Variants in CAMK1D observed in about 807,000 individuals in gnomAD.
CAMK1D encodes the protein calcium/calmodulin-dependent protein kinase type 1D.
Under a neutral mutation model 47.7 loss-of-function variants are expected in CAMK1D, and 9 were observed. That is an observed-to-expected ratio of 0.19 (90% confidence interval 0.11 to 0.33). CAMK1D has a LOEUF of 0.33. CAMK1D is among the 10% of genes least tolerant of loss of function. The pLI is 1.00. For synonymous variants in CAMK1D, 184 were observed against 184.9 expected (o/e 0.99, Z 0.04); for missense variants, 291 against 488.7 (o/e 0.60, Z 3.81).
chr10:12,396,976 C>T (rs564289392), intron 1 of CAMK1D, among the ~76,000 whole-genome samples: 3 of 152,362 alleles, frequency 2.0e-5, no homozygotes, highest in East Asian at 1.9e-4. Flanking sequence ...AACAATTTAT[C>T]GCTCATCTCG....
At chr10:12,447,685 G>C (rs1490787683) in intron 1 of CAMK1D, among the ~76,000 whole-genome samples, 1 of 152,164 alleles carries the variant, frequency 6.6e-6, no homozygotes, top group East Asian at 1.9e-4. Context: ...CTTGGTGATA[G>C]AGTGAGATCC....
chr10:12,429,101 C>T (rs190024922), intron 1 of CAMK1D, among the ~76,000 whole-genome samples: 1 of 152,278 alleles, frequency 6.6e-6, no homozygotes, highest in East Asian at 1.9e-4. Flanking sequence ...CACCCACTGC[C>T]ATCTCCCACA....
intron 3 of CAMK1D, among the ~76,000 whole-genome samples, chr10:12,741,243 T>C (rs925295298): frequency 6.6e-6 from 1 of 152,216 alleles, no homozygotes; most frequent in African/African-American, 2.4e-5. Context: ...GCCTGAGTAC[T>C]CTCAGATTTT....
chr10:12,490,927 C>T (rs1834365278), intron 1 of CAMK1D, among the ~76,000 whole-genome samples: 2 of 151,986 alleles, frequency 1.3e-5, no homozygotes, highest in South Asian at 2.1e-4. Context: ...ATATGTCCAA[C>T]GATTAGGTAT....
intron 2 of CAMK1D, among the ~76,000 whole-genome samples, chr10:12,602,789 CTCTG>C (rs1838340264): frequency 6.6e-6 from 1 of 152,038 alleles, no homozygotes; most frequent in East Asian, 1.9e-4. Context: ...CACACTCCGC[CTCTG>C]TCTGTGTGGG....
chr10:12,827,813 T>C (rs550912094), intron 10 of CAMK1D, among the ~76,000 whole-genome samples: 1 of 151,952 alleles, frequency 6.6e-6, no homozygotes, highest in Non-Finnish European at 1.5e-5. Flanking sequence ...CTCAGCCTTC[T>C]GAGTAGCTGG....
At chr10:12,668,121 G>A (rs190789087) in intron 3 of CAMK1D, among the ~76,000 whole-genome samples, 46 of 152,208 alleles carry the variant, frequency 3.0e-4, no homozygotes, top group African/African-American at 9.6e-4. Context: ...ACACTTTGCC[G>A]TATTTCTGGT....
chr10:12,689,748 C>T (rs1832800601), intron 3 of CAMK1D, among the ~76,000 whole-genome samples: 1 of 151,050 alleles, frequency 6.6e-6, no homozygotes, highest in East Asian at 1.9e-4. Context: ...TGTAGTCCAG[C>T]CTGGGCGACA....
At chr10:12,484,740 G>T (rs1834161005) in intron 1 of CAMK1D, among the ~76,000 whole-genome samples, 1 of 150,736 alleles carries the variant, frequency 6.6e-6, no homozygotes, top group Admixed American at 6.6e-5. Context: ...TGGCTCTCTT[G>T]AGATGTTCTC....
intron 2 of CAMK1D, among the ~76,000 whole-genome samples, chr10:12,631,992 G>T (rs150346359): frequency 6.6e-6 from 1 of 152,266 alleles, no homozygotes; most frequent in African/African-American, 2.4e-5. Context: ...AATGAACCGA[G>T]CTCTTAACGC....
intron 7 of CAMK1D, among the ~76,000 whole-genome samples, chr10:12,814,901 C>T (rs1832738781): frequency 6.6e-6 from 1 of 152,156 alleles, no homozygotes; most frequent in African/African-American, 2.4e-5. Context: ...AGATGGGGAC[C>T]CACTCATCCA....
At chr10:12,583,030 G>A (rs1261638654) in intron 2 of CAMK1D, among the ~76,000 whole-genome samples, 1 of 152,192 alleles carries the variant, frequency 6.6e-6, no homozygotes, top group Non-Finnish European at 1.5e-5. Flanking sequence ...TTGAGCCCAG[G>A]AGTTGAGGAC....
intron 1 of CAMK1D, among the ~76,000 whole-genome samples, chr10:12,496,459 A>AT (rs1834542426): frequency 6.6e-6 from 1 of 152,110 alleles, no homozygotes; most frequent in African/African-American, 2.4e-5. Context: ...TCCACATGTC[A>AT]GACAGCAGAA....
intron 1 of CAMK1D, among the ~76,000 whole-genome samples, chr10:12,552,674 C>T (rs1382155667): frequency 6.6e-6 from 1 of 152,196 alleles, no homozygotes; most frequent in Non-Finnish European, 1.5e-5. Context: ...CTGTGTTGAC[C>T]TCCACATCCG....
chr10:12,788,385 G>C (rs911465052), intron 5 of CAMK1D, among the ~76,000 whole-genome samples: 2 of 152,186 alleles, frequency 1.3e-5, no homozygotes, highest in Admixed American at 6.5e-5. Context: ...GCCAGGCCTG[G>C]CTGCTGCGCC....
chr10:12,510,245 T>A (rs907234362), intron 1 of CAMK1D, among the ~76,000 whole-genome samples: 1 of 152,078 alleles, frequency 6.6e-6, no homozygotes, highest in Non-Finnish European at 1.5e-5. Flanking sequence ...CAAAAACTCA[T>A]CTCCACTAAA....
intron 1 of CAMK1D, among the ~76,000 whole-genome samples, chr10:12,366,559 T>TGA (rs111709262): frequency 0.092 from 13,924 of 151,900 alleles, 831 homozygotes; most frequent in East Asian, 0.25. Context: ...CTCGGGAGGC[T>TGA]GAGGCAGGAG....
intron 8 of CAMK1D, 75 bp from the exon 9 acceptor site, chr10:12,824,390 A>G: frequency 2.3e-6 from 3 of 1,308,736 alleles, no homozygotes; most frequent in Non-Finnish European, 3.3e-6. Flanking sequence ...AGGCTAGGTA[A>G]GACTCCCCTT....
intron 1 of CAMK1D, among the ~76,000 whole-genome samples, chr10:12,376,331 C>T (rs766591708): frequency 9.2e-5 from 14 of 151,996 alleles, no homozygotes; most frequent in African/African-American, 1.9e-4. Context: ...AACTGGCCTC[C>T]GGTCACGTGA....
Sources: allele counts gnomAD v4.1 joint callset (sites outside exome capture counted in the v4.1 genomes callset), GRCh38; gene constraint gnomAD v4.1.1; transcripts MANE v1.5; gene names NCBI Gene and HGNC (gene_info 2026-07-23, HGNC 2026-07-21).